PCDHGB1: variants seen among roughly 807,000 people sequenced by gnomAD.
The protein encoded by PCDHGB1 is protocadherin gamma-B1.
PCDHGB1 carries 34 observed loss-of-function variants against 56.6 expected under a neutral mutation model. That is an observed-to-expected ratio of 0.60 (90% CI 0.46 to 0.80). The LOEUF is 0.80. PCDHGB1 is among the 30% of genes least tolerant of loss of function. The pLI is 0.00. For synonymous variants in PCDHGB1, 561 were observed against 505.9 expected (o/e 1.11, Z -1.46); for missense variants, 1,278 against 1,204.6 (o/e 1.06, Z -0.90).
chr5:141,370,950 C>G (rs78666647), intron 1 of PCDHGB1: 1 of 1,614,002 alleles, frequency 6.2e-7, no homozygotes, highest in South Asian at 1.1e-5. Flanking sequence ...GAAGGAGAAC[C>G]TGGATGGCAG....
chr5:141,371,310 G>A, intron 1 of PCDHGB1: 2 of 1,613,992 alleles, frequency 1.2e-6, no homozygotes, highest in Non-Finnish European at 1.7e-6. Flanking sequence ...CACTATTGGA[G>A]AACTGGACTT....
chr5:141,424,084 A>G, intron 1 of PCDHGB1: 1 of 929,764 alleles, frequency 1.1e-6, no homozygotes, highest in Non-Finnish European at 1.3e-6. Context: ...ATATTCCACC[A>G]TTATTTGCTA....
intron 1 of PCDHGB1, among the ~76,000 whole-genome samples, chr5:141,437,741 CT>C (rs35124340): frequency 3.0e-3 from 425 of 141,590 alleles, no homozygotes; most frequent in African/African-American, 3.7e-3. Context: ...TTGAGTTCAC[CT>C]TTTTTTTTTT....
intron 1 of PCDHGB1, chr5:141,370,241 T>A (rs1442707721): frequency 4.8e-6 from 3 of 626,086 alleles, no homozygotes; most frequent in Non-Finnish European, 7.8e-6. Flanking sequence ...GGAAGAAAAG[T>A]GCACTCTCTA....
At chr5:141,496,734 G>A (rs527288196) in intron 2 of PCDHGB1, among the ~76,000 whole-genome samples, 4 of 152,066 alleles carry the variant, frequency 2.6e-5, no homozygotes, top group Non-Finnish European at 4.4e-5. Flanking sequence ...GTATTCATTC[G>A]TTCATTTATT....
intron 1 of PCDHGB1, chr5:141,394,021 G>C (rs2092901030): frequency 6.2e-7 from 1 of 1,613,480 alleles, no homozygotes; most frequent in Non-Finnish European, 8.5e-7. Flanking sequence ...AATTATTATA[G>C]ATTAGTGACA....
intron 1 of PCDHGB1, among the ~76,000 whole-genome samples, chr5:141,444,199 T>C (rs2098425653): frequency 7.4e-6 from 1 of 134,516 alleles, no homozygotes; most frequent in African/African-American, 2.9e-5. Context: ...GAGATGGAGT[T>C]TCACTCTTGT....
Position 141,415,037 on chromosome 5 carries a change from T to G in PCDHGB1, c.2409+62368T>G, listed in dbSNP as rs775779136. The G allele has an allele frequency of 5.0e-6, 8 of 1,613,384 alleles. No homozygotes were observed. In the Admixed American group the frequency reaches 8.3e-5, roughly 17 times the overall value. ...CTCAAGGCCAGCGAGCCGGGACTCT[T>G]CGCGGTGGGGGAGCACACGGGCGAG... is the stretch of plus-strand genomic sequence containing the variant. On this transcript the variant is annotated intron_variant, in intron 1 of 3. Coordinates refer to ENST00000523390, the MANE Select transcript of PCDHGB1 (RefSeq NM_018922.3).
intron 1 of PCDHGB1, chr5:141,384,992 C>A (rs536147893): frequency 6.2e-7 from 1 of 1,614,146 alleles, no homozygotes; most frequent in Admixed American, 1.7e-5. Context: ...GTGGCGGTGG[C>A]CACAGTCTCC....
chr5:141,366,619 G>C, intron 1 of PCDHGB1: 1 of 1,614,222 alleles, frequency 6.2e-7, no homozygotes, highest in Non-Finnish European at 8.5e-7. Flanking sequence ...CCGCGGACTC[G>C]AGGAAGAGTC....
intron 1 of PCDHGB1, chr5:141,361,497 G>C: frequency 6.2e-7 from 1 of 1,614,042 alleles, no homozygotes; most frequent in Non-Finnish European, 8.5e-7. Flanking sequence ...TTTTCCAACA[G>C]ACTTCCTACA....
chr5:141,481,445 T>C (rs760413279), intron 1 of PCDHGB1, among the ~76,000 whole-genome samples: 2 of 152,260 alleles, frequency 1.3e-5, no homozygotes, highest in Non-Finnish European at 2.9e-5. Context: ...GTTTAGTACA[T>C]GTAAATACAC....
At chr5:141,450,815 A>ATTAT (rs1554136868) in intron 1 of PCDHGB1, among the ~76,000 whole-genome samples, 98 of 126,742 alleles carry the variant, frequency 7.7e-4, no homozygotes, top group African/African-American at 3.1e-3. Flanking sequence ...TATTTATTTA[A>ATTAT]TATTATTATT....
chr5:141,388,756 A>G, intron 1 of PCDHGB1: 1 of 1,613,956 alleles, frequency 6.2e-7, no homozygotes, highest in South Asian at 1.1e-5. Flanking sequence ...ACCCAATTTG[A>G]CCTGAACTCT....
Position 141,511,390 on chromosome 5 carries a change from C to T in PCDHGB1, c.*217C>T, listed in dbSNP as rs2099883760. 1.8e-6 allele frequency: 2 copies of T among 1,101,460 alleles called. No individual in the cohort carries two copies. Among genetic ancestry groups the T allele is most frequent in the Admixed American group, 2.9e-5 (1 of 34,440 alleles). The allele number at this position is 1,101,460 out of a possible 1,614,324, so 68.2% of individuals were successfully genotyped here. A position where few individuals can be genotyped will look rare whatever the true frequency, so the allele number is the denominator to read the frequency against. On this transcript the variant is annotated 3_prime_UTR_variant, in exon 4 of 4. Transcript: ENST00000523390. ...ATGCAAAAGCAGTTCCGCTGGGAAC[C>T]CCCATCCAATCAACTGCTGTACCCA... is the stretch of plus-strand genomic sequence containing the variant.
chr5:141,375,054 G>C, intron 1 of PCDHGB1: 6 of 1,614,004 alleles, frequency 3.7e-6, no homozygotes, highest in South Asian at 1.1e-5. Context: ...GCCCGGGATG[G>C]GCCAGGTCTT....
chr5:141,364,177 C>G (rs1432921471), intron 1 of PCDHGB1: 4 of 848,374 alleles, frequency 4.7e-6, no homozygotes, highest in Non-Finnish European at 6.7e-6. Flanking sequence ...GACTCTGCTC[C>G]CTCCATACTA....
chr5:141,445,433 C>A (rs2098466883), intron 1 of PCDHGB1, among the ~76,000 whole-genome samples: 1 of 152,136 alleles, frequency 6.6e-6, no homozygotes, highest in Non-Finnish European at 1.5e-5. Flanking sequence ...AAGGCACTGA[C>A]CTATGGACTA....
intron 1 of PCDHGB1, chr5:141,371,519 T>C (rs1767815270): frequency 3.1e-6 from 5 of 1,613,838 alleles, no homozygotes; most frequent in Middle Eastern, 1.6e-4. Context: ...ATGATCTAGA[T>C]TCTGGATTTA....
Sources: allele counts gnomAD v4.1 joint callset (sites outside exome capture counted in the v4.1 genomes callset), GRCh38; gene constraint gnomAD v4.1.1; transcripts MANE v1.5; gene names NCBI Gene and HGNC (gene_info 2026-07-23, HGNC 2026-07-21).